The following LPAR3 variants were observed in gnomAD, a reference collection of about 807,000 sequenced individuals.
LPAR3 encodes the protein lysophosphatidic acid receptor 3.
Under a neutral mutation model 17.8 loss-of-function variants are expected in LPAR3, and 7 were observed. That is an observed-to-expected ratio of 0.39 (90% CI 0.22 to 0.74). The LOEUF is 0.74. LPAR3 is among the 30% of genes least tolerant of loss of function. The pLI, the probability that LPAR3 is intolerant of heterozygous loss-of-function variation, is 0.40. For synonymous variants in LPAR3, 179 were observed against 179.9 expected, an observed-to-expected ratio of 0.99 and a Z score of 0.04; for missense variants, 391 against 453.4, an observed-to-expected ratio of 0.86 and a Z score of 1.25.
chr1:84,865,480 T>C lies in LPAR3; in HGVS notation c.641A>G (p.Lys214Arg). 4.3e-6 allele frequency: 7 copies of C among 1,614,196 alleles called. No individual in the cohort carries two copies. Among genetic ancestry groups the C allele is most frequent in the Non-Finnish European group, 5.9e-6 (7 of 1,180,044 alleles). ...VVYLRIYVYV[K>R]RKTNVLSPHT... ...CGGAGACAAGACGTTGGTTTTCCTC[T>C]TGACGTACACGTAGATCCGCAGGTA... The change falls in exon 2 of 3, where the codon AAG becomes AGG. Residue 214 changes from lysine (K) to arginine (R), a missense_variant. Lys to Arg is a conservative substitution (Grantham distance 26). Coordinates refer to ENST00000370611, the MANE Select transcript of LPAR3 (RefSeq NM_012152.3).
At chr1:84,890,339 T>C (rs74096184) in intron 1 of LPAR3, among the ~76,000 whole-genome samples, 1,550 of 152,300 alleles carry the variant, frequency 0.01, 24 homozygotes, top group African/African-American at 0.036. Context: ...AGAATATACA[T>C]TTGCACCCAT....
At chr1:84,820,984 T>G (rs1006479069) in intron 2 of LPAR3, among the ~76,000 whole-genome samples, 10 of 151,488 alleles carry the variant, frequency 6.6e-5, no homozygotes, top group Non-Finnish European at 1.5e-4. Context: ...CAAGTAATAG[T>G]AAGGGCATGT....
At chr1:84,860,115 A>G (rs1659910560) in intron 2 of LPAR3, among the ~76,000 whole-genome samples, 2 of 152,232 alleles carry the variant, frequency 1.3e-5, no homozygotes, top group Non-Finnish European at 2.9e-5. Context: ...GAAGTGAGCA[A>G]GCATTTTGCC....
intron 2 of LPAR3, among the ~76,000 whole-genome samples, chr1:84,830,078 A>T (rs781375476): frequency 3.3e-5 from 5 of 152,228 alleles, no homozygotes; most frequent in South Asian, 4.1e-4. Context: ...AAAGAATGTC[A>T]CCGGAGCCAG....
chr1:84,849,094 T>C (rs1338591512), intron 2 of LPAR3, among the ~76,000 whole-genome samples: 1 of 152,164 alleles, frequency 6.6e-6, no homozygotes, highest in Non-Finnish European at 1.5e-5. Context: ...TAAAAAGTTC[T>C]GGCTGGGCAC....
rs397775811 is a variant in LPAR3 at position 84,837,025 on chromosome 1, A to ATTT, written c.737-22857_737-22855dup. Reference sequence around the variant, plus strand: ...TAAAGGAAAAAACCTTACTTTATCAATTTTTTTTTTTTTTTTTGAGACGGA... The same window carrying ATTT: ...TAAAGGAAAAAACCTTACTTTATCAATTTTTTTTTTTTTTTTTTTTGAGACGGA... On this transcript the variant is annotated intron_variant, in intron 2 of 2. Transcript: ENST00000370611. 3.2e-3 allele frequency among the ~76,000 whole-genome samples: 448 copies of ATTT among 141,384 alleles called. 4 individuals are homozygous for ATTT. The highest frequency in any genetic ancestry group is 9.1e-3 in the African/African-American group (349 of 38,266). 92.8% of individuals were successfully genotyped at this position (141,384 alleles called of 152,430 possible).
intron 2 of LPAR3, among the ~76,000 whole-genome samples, chr1:84,843,658 C>T (rs1330869219): frequency 6.6e-6 from 1 of 152,238 alleles, no homozygotes; most frequent in East Asian, 1.9e-4. Context: ...CTACCCTATG[C>T]TAATAACATC....
chr1:84,881,385 G>A (rs921690203), intron 1 of LPAR3, among the ~76,000 whole-genome samples: 10 of 152,192 alleles, frequency 6.6e-5, no homozygotes, highest in African/African-American at 2.4e-4. Context: ...GTGTAGGATT[G>A]TTGGATGGAC....
intron 1 of LPAR3, among the ~76,000 whole-genome samples, chr1:84,884,971 T>C (rs1273067671): frequency 1.3e-5 from 2 of 152,226 alleles, no homozygotes; most frequent in Non-Finnish European, 2.9e-5. Context: ...GTTCAGCATA[T>C]GTACGTCAAA....
intron 2 of LPAR3, among the ~76,000 whole-genome samples, chr1:84,823,679 C>G (rs1454699553): frequency 6.6e-6 from 1 of 152,196 alleles, no homozygotes; most frequent in Non-Finnish European, 1.5e-5. Flanking sequence ...TAGTGTTTAA[C>G]TACAGGCAAC....
intron 1 of LPAR3, among the ~76,000 whole-genome samples, chr1:84,868,644 G>A (rs1660100812): frequency 6.6e-6 from 1 of 152,128 alleles, no homozygotes; most frequent in African/African-American, 2.4e-5. Context: ...AATAGGTGGG[G>A]ACTTTGGGAA....
In LPAR3 at chr1:84,833,733, G is replaced by A. The variant is rs928019779; in HGVS notation, c.737-19562C>T. On this transcript the variant is annotated intron_variant, in intron 2 of 2. Coordinates refer to ENST00000370611, the MANE Select transcript of LPAR3 (RefSeq NM_012152.3). Reference sequence around the variant, plus strand: ...TACCTCATTACCTTATCTGTCACACGGGGATAATAAGAACACCCAGCTGCA... The same window carrying A: ...TACCTCATTACCTTATCTGTCACACAGGGATAATAAGAACACCCAGCTGCA... 7.2e-5 allele frequency among the ~76,000 whole-genome samples: 11 copies of A among 152,262 alleles called. No homozygotes were observed. In the East Asian group the frequency reaches 1.5e-3, roughly 21 times the overall value.
Position 84,873,043 on chromosome 1 carries a change from C to T in LPAR3, c.-18-6905G>A, listed in dbSNP as rs566077028. ...TTCTACAACATTTCTGACCAGTACT[C>T]CTCAAAACTGGTACTCATCAAAAAC... On this transcript the variant is annotated intron_variant, in intron 1 of 2. Coordinates refer to ENST00000370611, the MANE Select transcript of LPAR3 (RefSeq NM_012152.3). Among the ~76,000 whole-genome samples, 6 of 152,196 alleles carry T rather than the reference C, an allele frequency of 3.9e-5. No homozygotes were observed. The South Asian group carries it at 1.2e-3, about 32-fold the overall frequency.
intron 2 of LPAR3, among the ~76,000 whole-genome samples, chr1:84,819,420 G>C (rs1419276551): frequency 1.3e-5 from 2 of 152,168 alleles, no homozygotes; most frequent in African/African-American, 4.8e-5. Context: ...AGACCCAATA[G>C]TCAGAATCTC....
Position 84,870,389 on chromosome 1 carries a change from C to A in LPAR3, c.-18-4251G>T, listed in dbSNP as rs971016331. On this transcript the variant is annotated intron_variant, in intron 1 of 2. Transcript: ENST00000370611. ...GGGAACCTGCCTATTATGCTCATAT[C>A]TACAGGATCAGTATTTGTTGAATGA... Among the ~76,000 whole-genome samples the A allele has an allele frequency of 2.0e-5, 3 of 152,236 alleles. No individual in the cohort carries two copies. In the East Asian group the frequency reaches 5.8e-4, roughly 29 times the overall value.
chr1:84,831,276 A>G (rs922859696), intron 2 of LPAR3, among the ~76,000 whole-genome samples: 1 of 152,052 alleles, frequency 6.6e-6, no homozygotes, highest in African/African-American at 2.4e-5. Flanking sequence ...ACCACTCCTG[A>G]TATCTCTTAC....
intron 1 of LPAR3, among the ~76,000 whole-genome samples, chr1:84,892,327 A>G (rs1660568140): frequency 6.6e-6 from 1 of 152,210 alleles, no homozygotes; most frequent in Non-Finnish European, 1.5e-5. Context: ...AATTGTTTCC[A>G]ATATTCACAG....
intron 1 of LPAR3, among the ~76,000 whole-genome samples, chr1:84,874,778 A>T (rs530312364): frequency 1.3e-5 from 2 of 152,398 alleles, no homozygotes; most frequent in Non-Finnish European, 2.9e-5. Flanking sequence ...CAAAATGCTT[A>T]AAATTAATAT....
intron 1 of LPAR3, among the ~76,000 whole-genome samples, chr1:84,870,493 T>C (rs865924120): frequency 1.3e-5 from 2 of 152,348 alleles, no homozygotes; most frequent in South Asian, 2.1e-4. Flanking sequence ...TGCTGACTTA[T>C]ACATCAATCA....
Sources: allele counts gnomAD v4.1 joint callset (sites outside exome capture counted in the v4.1 genomes callset), GRCh38; gene constraint gnomAD v4.1.1; transcripts MANE v1.5; gene names NCBI Gene and HGNC (gene_info 2026-07-23, HGNC 2026-07-21).